The following PTPN4 variants were observed in gnomAD, a reference collection of about 807,000 sequenced individuals.
PTPN4 encodes the protein tyrosine-protein phosphatase non-receptor type 4.
Under a neutral mutation model 135.5 loss-of-function variants are expected in PTPN4, and 49 were observed. The observed-to-expected ratio is 0.36, with a 90% CI of 0.29 to 0.46. PTPN4 has a LOEUF of 0.46. Ranked by LOEUF, PTPN4 falls within the 20% of genes least tolerant of loss-of-function variation. The pLI is 1.00. For missense variants in PTPN4, 860 were observed against 1,101.0 expected, an observed-to-expected ratio of 0.78 and a Z score of 3.10; for synonymous variants, 333 against 369.9, an observed-to-expected ratio of 0.90 and a Z score of 1.14.
At chr2:119,967,350 G>A (rs1022730153) in intron 25 of PTPN4, among the ~76,000 whole-genome samples, 10 of 152,106 alleles carry the variant, frequency 6.6e-5, no homozygotes, top group African/African-American at 1.9e-4. Context: ...TCGAGAGGCT[G>A]AGGCAGGAGA....
intron 26 of PTPN4, among the ~76,000 whole-genome samples, chr2:119,972,362 AATTT>A (rs376280101): frequency 1.4e-3 from 219 of 152,200 alleles, no homozygotes; most frequent in African/African-American, 4.6e-3. Context: ...CGTTTATTTA[AATTT>A]ATTCCTCAGT....
intron 18 of PTPN4, among the ~76,000 whole-genome samples, chr2:119,950,721 T>C (rs1679200629): frequency 6.6e-6 from 1 of 152,220 alleles, no homozygotes; most frequent in Admixed American, 6.5e-5. Context: ...TTCACTCTCA[T>C]ATGTTTTCAT....
chr2:119,879,443 G>A (rs553472944), intron 5 of PTPN4, among the ~76,000 whole-genome samples: 1 of 152,298 alleles, frequency 6.6e-6, no homozygotes, highest in African/African-American at 2.4e-5. Flanking sequence ...GTAAAATGGG[G>A]TAAATGTCTA....
At chr2:119,889,333 T>C (rs1361276696) in intron 9 of PTPN4, among the ~76,000 whole-genome samples, 9 of 152,026 alleles carry the variant, frequency 5.9e-5, no homozygotes, top group Admixed American at 5.9e-4. Context: ...GGCAGGAGAA[T>C]GGTGTGAACC....
At chr2:119,885,056 T>C (rs867689293) in intron 8 of PTPN4, among the ~76,000 whole-genome samples, 1 of 152,210 alleles carries the variant, frequency 6.6e-6, no homozygotes, top group Non-Finnish European at 1.5e-5. Context: ...CTTGGTATTC[T>C]TGTTAAATAT....
At chr2:119,844,282 C>A (rs1257312652) in intron 2 of PTPN4, among the ~76,000 whole-genome samples, 2 of 118,480 alleles carry the variant, frequency 1.7e-5, no homozygotes, top group African/African-American at 6.5e-5. Context: ...GCGGAGGGCT[C>A]ACCCCCCCAC....
rs1330618086 is a variant in PTPN4 at position 119,982,352 on chromosome 2, A to G, written c.*5282A>G. ...GTAAAGAAAATGAATGTATCTTTCAAATGTCATTAGAATTATGGCTTGATT... is the reference window on the plus strand; with the variant it reads ...GTAAAGAAAATGAATGTATCTTTCAGATGTCATTAGAATTATGGCTTGATT... On this transcript the variant is annotated 3_prime_UTR_variant, in exon 27 of 27. Transcript: ENST00000263708. 6.6e-6 allele frequency: 1 copy of G among 152,188 alleles called. No individual in the cohort carries two copies. The highest frequency in any genetic ancestry group is 2.4e-5 in the African/African-American group (1 of 41,452). The allele number at this position is 152,188 out of a possible 1,614,324, so 9.4% of individuals were successfully genotyped here. A position where few individuals can be genotyped will look rare whatever the true frequency, so the allele number is the denominator to read the frequency against.
chr2:119,979,799 G>C lies in PTPN4; in HGVS notation c.*2729G>C, dbSNP rs1321087090. ...ACCTTGACACCCTTAAGAAAGCAATGCTGACTTTTATTCTGACAAGTGGAA... is the reference window on the plus strand; with the variant it reads ...ACCTTGACACCCTTAAGAAAGCAATCCTGACTTTTATTCTGACAAGTGGAA... On this transcript the variant is annotated 3_prime_UTR_variant, in exon 27 of 27. Transcript: ENST00000263708. The C allele has an allele frequency of 6.6e-6, 1 of 152,054 alleles. No homozygotes were observed. The highest frequency in any genetic ancestry group is 2.4e-5 in the African/African-American group (1 of 41,438). 9.4% of individuals were successfully genotyped at this position (152,054 alleles called of 1,614,324 possible).
intron 13 of PTPN4, among the ~76,000 whole-genome samples, chr2:119,931,941 T>C (rs925494189): frequency 1.3e-5 from 2 of 152,212 alleles, no homozygotes; most frequent in Non-Finnish European, 2.9e-5. Flanking sequence ...AAATGTAATA[T>C]GCATAATTAT....
chr2:119,896,554 C>G (rs1204019797), intron 9 of PTPN4, among the ~76,000 whole-genome samples: 2 of 152,092 alleles, frequency 1.3e-5, no homozygotes, highest in African/African-American at 4.8e-5. Context: ...TGCATAATGC[C>G]TGGGTTTTGC....
chr2:119,789,511 T>G (rs1268816178), intron 1 of PTPN4, among the ~76,000 whole-genome samples: 1 of 152,240 alleles, frequency 6.6e-6, no homozygotes, highest in Admixed American at 6.5e-5. Flanking sequence ...TCCAGTGCCA[T>G]GAAGCTCTAT....
At chr2:119,842,829 A>T (rs891156881) in intron 2 of PTPN4, among the ~76,000 whole-genome samples, 2 of 152,108 alleles carry the variant, frequency 1.3e-5, no homozygotes, top group African/African-American at 2.4e-5. Context: ...GATCTTTTAT[A>T]GCTATCACCA....
At chr2:119,885,955 G>C (rs1678149999) in intron 9 of PTPN4, 73 bp downstream of exon 9, 1 of 1,017,272 alleles carries the variant, frequency 9.8e-7, no homozygotes. Flanking sequence ...TTTAAGATTA[G>C]ATAACAAATG....
At chr2:119,909,579 G>A (rs1252888441) in intron 10 of PTPN4, among the ~76,000 whole-genome samples, 1 of 152,162 alleles carries the variant, frequency 6.6e-6, no homozygotes, top group Admixed American at 6.6e-5. Flanking sequence ...GATAGATCAA[G>A]GAGTAATTTT....
intron 2 of PTPN4, among the ~76,000 whole-genome samples, chr2:119,823,223 C>A (rs1056918041): frequency 6.6e-6 from 1 of 151,344 alleles, no homozygotes; most frequent in African/African-American, 2.4e-5. Flanking sequence ...TCTGGATATA[C>A]TTCATCTGTT....
chr2:119,850,127 G>A (rs566201786), intron 2 of PTPN4, among the ~76,000 whole-genome samples: 4 of 152,320 alleles, frequency 2.6e-5, no homozygotes, highest in Admixed American at 2.0e-4. Flanking sequence ...CTCTATACTC[G>A]CTACCAAATA....
In PTPN4 at chr2:119,843,470, T is replaced by C. The variant is rs530964379; in HGVS notation, c.139-19066T>C. Among the ~76,000 whole-genome samples the C allele has an allele frequency of 4.1e-3, 541 of 133,078 alleles. 4 individuals carry two copies. The highest frequency in any genetic ancestry group is 0.022 in the Admixed American group (303 of 13,594). The allele number at this position is 133,078 out of a possible 152,430, so 87.3% of individuals were successfully genotyped here. ...GCCTTTCTATTCCACAAAGCCGCCA[T>C]TGTCATCCTGGCCCGTTCTCAATGA... On this transcript the variant is annotated intron_variant, in intron 2 of 26. Coordinates refer to ENST00000263708, the MANE Select transcript of PTPN4 (RefSeq NM_002830.4).
At chr2:119,934,096 A>G (rs989430450) in intron 14 of PTPN4, among the ~76,000 whole-genome samples, 1 of 152,228 alleles carries the variant, frequency 6.6e-6, no homozygotes. Flanking sequence ...AATTTCAGGT[A>G]TAATCTAAAA....
At chr2:119,766,449 C>T (rs1406657443) in intron 1 of PTPN4, among the ~76,000 whole-genome samples, 10 of 131,064 alleles carry the variant, frequency 7.6e-5, no homozygotes, top group African/African-American at 3.2e-4. Flanking sequence ...CATGTGCGCG[C>T]GTGTGTGTGT....
Sources: gnomAD v4.1 joint callset for allele counts (sites outside exome capture counted in the v4.1 genomes callset) on GRCh38, gnomAD v4.1.1 for gene constraint, MANE v1.5 for transcripts, NCBI Gene and HGNC (gene_info 2026-07-23, HGNC 2026-07-21) for gene names.